Variants in CACNA2D3 observed in about 807,000 individuals in gnomAD.
CACNA2D3 encodes the protein calcium voltage-gated channel auxiliary subunit alpha2delta 3.
In CACNA2D3, 60 loss-of-function variants were observed where a neutral mutation model predicts 160.6. That is an observed-to-expected ratio of 0.37 (90% CI 0.30 to 0.46). CACNA2D3 has a LOEUF of 0.46. CACNA2D3 is among the 20% of genes least tolerant of loss of function. The pLI, the probability that CACNA2D3 is intolerant of heterozygous loss-of-function variation, is 1.00. For synonymous variants in CACNA2D3, 558 were observed against 492.9 expected, an observed-to-expected ratio of 1.13 and a Z score of -1.75; for missense variants, 1,205 against 1,365.0, an observed-to-expected ratio of 0.88 and a Z score of 1.85.
chr3:54,987,301 G>A (rs540597511), intron 30 of CACNA2D3, among the ~76,000 whole-genome samples: 133 of 152,262 alleles, frequency 8.7e-4, no homozygotes, highest in Non-Finnish European at 1.2e-3. Context: ...TTAGTGCTTA[G>A]GAAGCCCTCT....
intron 17 of CACNA2D3, among the ~76,000 whole-genome samples, chr3:54,864,265 A>G (rs147704402): frequency 2.3e-3 from 345 of 151,528 alleles, no homozygotes; most frequent in Non-Finnish European, 4.1e-3. Context: ...CACTCAGTTT[A>G]TTGTAGGTGT....
intron 2 of CACNA2D3, among the ~76,000 whole-genome samples, chr3:54,225,643 G>T (rs538701438): frequency 6.6e-6 from 1 of 152,118 alleles, no homozygotes; most frequent in South Asian, 2.1e-4. Context: ...ATATTCACTT[G>T]GTTTTTCTTA....
chr3:54,241,378 T>C (rs1701971257), intron 2 of CACNA2D3, among the ~76,000 whole-genome samples: 1 of 152,138 alleles, frequency 6.6e-6, no homozygotes, highest in African/African-American at 2.4e-5. Context: ...CGAGTACCTC[T>C]ATTATAGAAG....
chr3:55,019,406 A>G (rs1703398852), intron 35 of CACNA2D3, among the ~76,000 whole-genome samples: 1 of 151,924 alleles, frequency 6.6e-6, no homozygotes, highest in African/African-American at 2.4e-5. Flanking sequence ...TTTAAAGATA[A>G]TTACTATTTT....
chr3:54,431,828 G>A (rs575674653), intron 4 of CACNA2D3, among the ~76,000 whole-genome samples: 1 of 152,114 alleles, frequency 6.6e-6, no homozygotes, highest in Non-Finnish European at 1.5e-5. Flanking sequence ...GGATGGTCTC[G>A]AACTCCTGTC....
intron 12 of CACNA2D3, among the ~76,000 whole-genome samples, chr3:54,763,770 T>C (rs1315762182): frequency 7.6e-4 from 2 of 2,624 alleles, no homozygotes; most frequent in South Asian, 0.02. Context: ...CATATATATG[T>C]ATATATGTAC....
chr3:55,026,206 A>G (rs9813573), intron 35 of CACNA2D3, among the ~76,000 whole-genome samples: 48,597 of 151,984 alleles, frequency 0.32, 8,138 homozygotes, highest in Admixed American at 0.38. Context: ...TCTTATTGCT[A>G]ACTTGTGAGA....
At chr3:54,937,528 A>G (rs1263404137) in intron 27 of CACNA2D3, among the ~76,000 whole-genome samples, 1 of 152,198 alleles carries the variant, frequency 6.6e-6, no homozygotes, top group African/African-American at 2.4e-5. Context: ...GGACCTGTGC[A>G]GTTCAAACTC....
At chr3:54,213,770 A>G (rs1701418006) in intron 2 of CACNA2D3, among the ~76,000 whole-genome samples, 2 of 152,222 alleles carry the variant, frequency 1.3e-5, no homozygotes, top group Admixed American at 1.3e-4. Flanking sequence ...CATAATGCAG[A>G]ACAACAGGAA....
In CACNA2D3 at chr3:54,958,444, G is replaced by A. The variant is rs2102752; in HGVS notation, c.2450-10006G>A. Among the ~76,000 whole-genome samples, 605 of 152,288 alleles carry A rather than the reference G, an allele frequency of 4.0e-3. 13 individuals are homozygous for A. The highest frequency in any genetic ancestry group is 0.038 in the South Asian group (184 of 4,812). ...CAAAGTCAGTTTATTCCCTACAGCA[G>A]TAAGGGAGAATACAACCTTGATAGT... On this transcript the variant is annotated intron_variant, in intron 27 of 37. Transcript: ENST00000474759.
chr3:55,022,841 A>C (rs555277393), intron 35 of CACNA2D3, among the ~76,000 whole-genome samples: 4 of 152,034 alleles, frequency 2.6e-5, no homozygotes, highest in Non-Finnish European at 5.9e-5. Context: ...ACATTTTGTT[A>C]AGTTGGATTA....
intron 27 of CACNA2D3, among the ~76,000 whole-genome samples, chr3:54,943,409 G>T (rs1369951686): frequency 6.6e-6 from 1 of 152,078 alleles, no homozygotes; most frequent in Non-Finnish European, 1.5e-5. Context: ...AATACATGGT[G>T]CTTTGGACTT....
intron 4 of CACNA2D3, among the ~76,000 whole-genome samples, chr3:54,440,290 G>A (rs1700123715): frequency 6.6e-6 from 1 of 152,176 alleles, no homozygotes; most frequent in Non-Finnish European, 1.5e-5. Context: ...AGCAGTAGTA[G>A]TTGTTTTTCT....
rs1434790279 is a variant in CACNA2D3 at position 54,822,824 on chromosome 3, TTTCTTTCTTTTC to T, written c.1398+5957_1398+5968del. On this transcript the variant is annotated intron_variant, in intron 14 of 37. Coordinates refer to ENST00000474759, the MANE Select transcript of CACNA2D3 (RefSeq NM_018398.3). ...CTTTCTTTCTTTCTTTCTTTCTTTC[TTTCTTTCTTTTC>T]TTTCTTTCTTTCTTTCTTTCTTTCT... Among the ~76,000 whole-genome samples, 13 of 84,824 alleles carry T rather than the reference TTTCTTTCTTTTC, an allele frequency of 1.5e-4. 1 individual carries two copies. The highest frequency in any genetic ancestry group is 6.1e-4 in the East Asian group (2 of 3,304). 55.6% of individuals were successfully genotyped at this position (84,824 alleles called of 152,430 possible).
At chr3:54,702,141 C>T (rs548103382) in intron 11 of CACNA2D3, among the ~76,000 whole-genome samples, 1 of 152,174 alleles carries the variant, frequency 6.6e-6, no homozygotes, top group African/African-American at 2.4e-5. Flanking sequence ...AAAGTAAAAC[C>T]TAAAATTGTG....
chr3:54,781,964 T>G (rs1470832906), intron 13 of CACNA2D3, among the ~76,000 whole-genome samples: 3 of 152,212 alleles, frequency 2.0e-5, no homozygotes, highest in Admixed American at 6.5e-5. Flanking sequence ...TTTCTAAAGA[T>G]AGAGCTCCCA....
At chr3:54,656,604 AG>A (rs1345606726) in intron 11 of CACNA2D3, among the ~76,000 whole-genome samples, 6 of 152,238 alleles carry the variant, frequency 3.9e-5, no homozygotes, top group Non-Finnish European at 1.5e-5. Flanking sequence ...TCTCCCAGCT[AG>A]GAAAAGTGCC....
intron 3 of CACNA2D3, among the ~76,000 whole-genome samples, chr3:54,321,382 A>G (rs1703989075): frequency 6.6e-6 from 1 of 152,006 alleles, no homozygotes. Flanking sequence ...CCTGGGCTCT[A>G]GTGATCCTCC....
intron 5 of CACNA2D3, among the ~76,000 whole-genome samples, chr3:54,513,512 A>G (rs993202818): frequency 6.6e-6 from 1 of 152,212 alleles, no homozygotes; most frequent in Non-Finnish European, 1.5e-5. Flanking sequence ...ACTGAGGCTT[A>G]GAGACTTGCT....
Sources: allele counts gnomAD v4.1 joint callset (sites outside exome capture counted in the v4.1 genomes callset), GRCh38; gene constraint gnomAD v4.1.1; transcripts MANE v1.5; gene names NCBI Gene and HGNC (gene_info 2026-07-23, HGNC 2026-07-21).